The following MTCL1 variants were observed in gnomAD, a reference collection of about 807,000 sequenced individuals.
MTCL1 encodes the protein microtubule cross-linking factor 1.
MTCL1 carries 79 observed loss-of-function variants against 141.4 expected under a neutral mutation model. The ratio of observed to expected loss-of-function variants is 0.56; its 90% CI spans 0.47 to 0.67. The LOEUF is 0.67. Among genes scored for constraint, MTCL1 ranks in the 30% least tolerant of loss-of-function variants. The probability of loss-of-function intolerance (pLI) is 0.00; values close to 1 mark genes in which losing one functional copy is unlikely to be tolerated. For missense variants in MTCL1, 2,177 were observed against 2,113.9 expected (o/e 1.03, Z -0.59); for synonymous variants, 914 against 875.8 (o/e 1.04, Z -0.77).
chr18:8,711,735 T>A (rs900892041), intron 1 of MTCL1, among the ~76,000 whole-genome samples: 3 of 150,778 alleles, frequency 2.0e-5, no homozygotes. Context: ...TTTGATGGGG[T>A]TGTTTGTTTT....
At chr18:8,812,212 G>C (rs1489905925) in intron 11 of MTCL1, among the ~76,000 whole-genome samples, 1 of 152,082 alleles carries the variant, frequency 6.6e-6, no homozygotes, top group Non-Finnish European at 1.5e-5. Context: ...GTGCCTGTTG[G>C]TATATTCCTT....
exon 15 of MTCL1, chr18:8,825,904 G>C: frequency 6.2e-7 from 1 of 1,612,198 alleles, no homozygotes; most frequent in South Asian, 1.1e-5. Flanking sequence ...AAGGGGCTGC[G>C]GGCCGGCAGT....
intron 7 of MTCL1, among the ~76,000 whole-genome samples, chr18:8,788,899 A>T (rs1330638886): frequency 6.6e-6 from 1 of 152,226 alleles, no homozygotes; most frequent in Non-Finnish European, 1.5e-5. Flanking sequence ...TATTAGCGAG[A>T]TGCTCACACT....
chr18:8,705,903 G>C lies in MTCL1; in HGVS notation c.243G>C (p.Ala81=). 1 of 1,098,690 alleles carries C rather than the reference G, an allele frequency of 9.1e-7. No homozygotes were observed. Among genetic ancestry groups the C allele is most frequent in the Non-Finnish European group, 1.1e-6 (1 of 903,760 alleles). 68.1% of individuals were successfully genotyped at this position (1,098,690 alleles called of 1,614,324 possible). ...CCGCCCCGCGCTCGCCCAACCTCGCGGGCAAAGCGCCGCCCTCGCCGGGGT... is the reference window on the plus strand; with the variant it reads ...CCGCCCCGCGCTCGCCCAACCTCGCCGGCAAAGCGCCGCCCTCGCCGGGGT... The change falls in exon 1 of 14, where the codon GCG becomes GCC. Residue 81 remains alanine, a synonymous_variant. Coordinates refer to the MTCL1 transcript ENST00000306329. The surrounding 1 kb of genome is among the most constrained non-coding windows in gnomAD (Gnocchi z 5.2).
At chr18:8,785,460 G>A (rs1488002172) in intron 6 of MTCL1, among the ~76,000 whole-genome samples, 1 of 152,184 alleles carries the variant, frequency 6.6e-6, no homozygotes, top group East Asian at 1.9e-4. Context: ...TGGGGAGGGC[G>A]CGGAGGGTCT....
intron 1 of MTCL1, among the ~76,000 whole-genome samples, chr18:8,709,743 A>G (rs190987883): frequency 2.0e-5 from 3 of 152,390 alleles, no homozygotes; most frequent in African/African-American, 4.8e-5. Flanking sequence ...CAATAGAAAA[A>G]TAAGTCCAGC....
intron 4 of MTCL1, among the ~76,000 whole-genome samples, chr18:8,757,521 TG>T (rs1288957575): frequency 2.0e-5 from 3 of 152,154 alleles, no homozygotes; most frequent in Non-Finnish European, 4.4e-5. Context: ...TAGAAGAGGC[TG>T]GGGAGCCGGG....
At chr18:8,720,301 C>G (rs930560243) in intron 3 of MTCL1, 37 bp from the exon 3 acceptor site, 1 of 1,610,720 alleles carries the variant, frequency 6.2e-7, no homozygotes, top group East Asian at 2.2e-5. Flanking sequence ...CACAAAAAGC[C>G]TCATATCCTG....
intron 4 of MTCL1, among the ~76,000 whole-genome samples, chr18:8,722,183 G>A (rs538964200): frequency 6.6e-6 from 1 of 152,092 alleles, no homozygotes; most frequent in Admixed American, 6.6e-5. Context: ...TTCTCAGTTT[G>A]AGCCTGACCT....
intron 1 of MTCL1, chr18:8,706,941 C>G (rs565183303): frequency 6.3e-6 from 4 of 638,370 alleles, no homozygotes; most frequent in Non-Finnish European, 7.5e-6. Context: ...TCTTTTCTCG[C>G]GTCTAGAACT....
chr18:8,706,236 G>A, exon 1 of MTCL1: 1 of 1,227,868 alleles, frequency 8.1e-7, no homozygotes, highest in Non-Finnish European at 1.0e-6. Context: ...CGGTGACCTC[G>A]GTGGCCGGGT....
In MTCL1 at chr18:8,744,564, G is replaced by T. The variant is rs539620809; in HGVS notation, c.357+24068G>T. 6.6e-5 allele frequency among the ~76,000 whole-genome samples: 10 copies of T among 152,044 alleles called. 1 individual carries two copies. The South Asian group carries it at 2.1e-3, about 32-fold the overall frequency. Reference sequence around the variant, plus strand: ...GCTTCCTGCTGCTTCTTGTGACTACGTCCCATATTTTTTTATATTTTTATC... The same window carrying T: ...GCTTCCTGCTGCTTCTTGTGACTACTTCCCATATTTTTTTATATTTTTATC... On this transcript the variant is annotated intron_variant, in intron 4 of 16. Transcript: ENST00000359865.
chr18:8,781,824 T>C (rs2143449700), intron 5 of MTCL1, among the ~76,000 whole-genome samples: 1 of 152,332 alleles, frequency 6.6e-6, no homozygotes, highest in East Asian at 1.9e-4. Flanking sequence ...GGCAGCATGT[T>C]TGACCCCAAG....
chr18:8,726,292 T>C (rs1247376430), intron 4 of MTCL1, among the ~76,000 whole-genome samples: 15 of 144,380 alleles, frequency 1.0e-4, no homozygotes, highest in Non-Finnish European at 1.7e-4. Context: ...TTTTCTTTTT[T>C]TTTTTTTTTT....
At chr18:8,732,597 T>C (rs1234659569) in intron 4 of MTCL1, among the ~76,000 whole-genome samples, 1 of 152,172 alleles carries the variant, frequency 6.6e-6, no homozygotes, top group Non-Finnish European at 1.5e-5. Context: ...GTTGTTTTTT[T>C]CTCCCTGGTA....
chr18:8,789,968 C>T (rs2143724084), intron 7 of MTCL1, among the ~76,000 whole-genome samples: 1 of 152,146 alleles, frequency 6.6e-6, no homozygotes, highest in East Asian at 1.9e-4. Context: ...GGCAGTTGTC[C>T]GTGGGAGTTT....
chr18:8,718,676 C>T lies in MTCL1; in HGVS notation c.198+28C>T, dbSNP rs199677331. Reference sequence around the variant, plus strand: ...GAGTGAGGGGGTGGTGCGTGCACCTCGCAAGGCTGCTGTGGACCGGCTGGC... The same window carrying T: ...GAGTGAGGGGGTGGTGCGTGCACCTTGCAAGGCTGCTGTGGACCGGCTGGC... On this transcript the variant is annotated intron_variant, in intron 3 of 16. Coordinates refer to ENST00000359865, the Ensembl canonical transcript of MTCL1. 8.9e-5 allele frequency: 143 copies of T among 1,604,088 alleles called. No individual in the cohort carries two copies. The East Asian group carries it at 9.6e-4, about 11-fold the overall frequency.
At chr18:8,718,113 A>G (rs570298250) in intron 2 of MTCL1, among the ~76,000 whole-genome samples, 79 of 152,310 alleles carry the variant, frequency 5.2e-4, no homozygotes, top group Middle Eastern at 3.4e-3. Context: ...GAAAGGTTCA[A>G]TTATCTGCAG....
intron 4 of MTCL1, among the ~76,000 whole-genome samples, chr18:8,768,696 A>G (rs928038581): frequency 6.6e-6 from 1 of 151,976 alleles, no homozygotes; most frequent in South Asian, 2.1e-4. Context: ...GCTTTATTTC[A>G]TGAAACTAGG....
Sources: allele counts gnomAD v4.1 joint callset (sites outside exome capture counted in the v4.1 genomes callset), GRCh38; gene constraint gnomAD v4.1.1; non-coding constraint Gnocchi (gnomAD v3.1); transcripts MANE v1.5; gene names NCBI Gene and HGNC (gene_info 2026-07-23, HGNC 2026-07-21).